The following VPS37A variants were observed in gnomAD, a reference collection of about 807,000 sequenced individuals.
The protein encoded by VPS37A is VPS37A subunit of ESCRT-I.
In VPS37A, 30 loss-of-function variants were observed where a neutral mutation model predicts 49.8. The ratio of observed to expected loss-of-function variants is 0.60; its 90% CI spans 0.45 to 0.82. VPS37A has a LOEUF of 0.82. Among genes scored for constraint, VPS37A ranks in the 40% least tolerant of loss-of-function variants. The pLI is 0.00. For synonymous variants in VPS37A, 195 were observed against 160.6 expected (o/e 1.21, Z -1.62); for missense variants, 593 against 464.4 (o/e 1.28, Z -2.55).
At chr8:17,258,852 T>A (rs897844803) in intron 1 of VPS37A, among the ~76,000 whole-genome samples, 10 of 152,102 alleles carry the variant, frequency 6.6e-5, no homozygotes, top group Non-Finnish European at 1.2e-4. Flanking sequence ...GTTGTATATG[T>A]CCGGCAATTT....
At chr8:17,314,305 A>G in the VPS37A span, among the ~76,000 whole-genome samples, 1 of 152,164 alleles carries the variant, frequency 6.6e-6, no homozygotes, top group Non-Finnish European at 1.5e-5. Context: ...GTTCTCTGTG[A>G]TGCAGTAAAC....
chr8:17,279,747 C>T (rs1490469387), intron 6 of VPS37A: 4 of 488,642 alleles, frequency 8.2e-6, no homozygotes, highest in Non-Finnish European at 1.6e-5. Flanking sequence ...TGAACACTTC[C>T]CCACGGTTGT....
At chr8:17,262,054 C>T (rs1813009253) in intron 1 of VPS37A, among the ~76,000 whole-genome samples, 1 of 152,092 alleles carries the variant, frequency 6.6e-6, no homozygotes, top group African/African-American at 2.4e-5. Flanking sequence ...CTTACTTTTT[C>T]CAGTGTAGAA....
chr8:17,268,822 A>T, intron 3 of VPS37A, 34 bp from the exon 4 acceptor site: 1 of 1,367,516 alleles, frequency 7.3e-7, no homozygotes, highest in South Asian at 1.2e-5. Context: ...TTTTTCTGGA[A>T]GTGATTTTAA....
At chr8:17,302,703 ACCCCCCCCCC>A (rs35520166), downstream of VPS37A, among the ~76,000 whole-genome samples, 1 of 10,352 alleles carries the variant, frequency 9.7e-5, no homozygotes, top group African/African-American at 1.8e-4. Context: ...ATTGGCAATA[ACCCCCCCCCC>A]CCCGCTTTTT....
At chr8:17,261,578 C>T (rs1812967453) in intron 1 of VPS37A, among the ~76,000 whole-genome samples, 1 of 151,886 alleles carries the variant, frequency 6.6e-6, no homozygotes, top group Non-Finnish European at 1.5e-5. Context: ...TTATTCTGGT[C>T]TTCTCTCTCT....
intron 1 of VPS37A, among the ~76,000 whole-genome samples, chr8:17,255,321 A>G (rs548050879): frequency 3.9e-5 from 6 of 152,112 alleles, no homozygotes; most frequent in African/African-American, 9.7e-5. Flanking sequence ...TCTCTACTAA[A>G]AATATAAATA....
the VPS37A span, among the ~76,000 whole-genome samples, chr8:17,319,169 G>A: frequency 6.6e-6 from 1 of 152,226 alleles, no homozygotes; most frequent in Non-Finnish European, 1.5e-5. Context: ...GGCAGACACA[G>A]CTGCACTCAA....
rs972824815 is a variant in VPS37A, at chr8:17,280,097, A to C, written c.783A>C (p.Gln261His). 7 of 1,612,808 alleles carry C rather than the reference A, an allele frequency of 4.3e-6. No individual in the cohort carries two copies. The highest frequency in any genetic ancestry group is 5.9e-6 in the Non-Finnish European group (7 of 1,179,332). The change falls in exon 7 of 12, where the codon CAA becomes CAC. Residue 261 changes from glutamine to histidine, a missense_variant. Physicochemically the swap from Gln to His is conservative, Grantham distance 24. Transcript: ENST00000324849. ...TAGAACAGTTTCTGACTTTGCCTCA[A>C]CTAAAACAAATTATTACCGACAAAG... ...VLLEQFLTLP[Q>H]LKQIITDKDD...
chr8:17,306,034 A>G, downstream of VPS37A: 1 of 1,191,524 alleles, frequency 8.4e-7, no homozygotes, highest in Non-Finnish European at 1.2e-6. Context: ...AAAAACAACC[A>G]TAAAAGCAAC....
At chr8:17,314,996 A>G in the VPS37A span, among the ~76,000 whole-genome samples, 8 of 151,880 alleles carry the variant, frequency 5.3e-5, no homozygotes, top group African/African-American at 1.9e-4. Context: ...AATACACACA[A>G]TGATTCACAG....
intron 4 of VPS37A, among the ~76,000 whole-genome samples, chr8:17,270,003 G>C (rs1034158546): frequency 1.5e-4 from 23 of 152,154 alleles, no homozygotes; most frequent in African/African-American, 5.6e-4. Context: ...AGAAGGTAAA[G>C]CGGGTGCAGG....
downstream of VPS37A, chr8:17,298,396 T>G (rs1240352410): frequency 6.6e-6 from 1 of 152,114 alleles, no homozygotes; most frequent in African/African-American, 2.4e-5. Flanking sequence ...CTCTAATATA[T>G]TCTATATTTT....
In VPS37A at chr8:17,248,354, TC is replaced by T. The variant is rs1335971500; in HGVS notation, c.125+988del. ...ATCTCGGTTCACTGCAACCTCCGTC[TC>T]CCGGATTCAAGCAATCATCCTCCCT... On this transcript the variant is annotated intron_variant, in intron 1 of 11. Coordinates refer to ENST00000324849, the MANE Select transcript of VPS37A (RefSeq NM_152415.3). 3.1e-5 allele frequency: 14 copies of T among 453,474 alleles called. No homozygotes were observed. The East Asian group carries it at 9.9e-4, about 32-fold the overall frequency. The allele number at this position is 453,474 out of a possible 1,614,324, so 28.1% of individuals were successfully genotyped here.
chr8:17,316,654 A>C, the VPS37A span, among the ~76,000 whole-genome samples: 8 of 152,324 alleles, frequency 5.3e-5, no homozygotes, highest in South Asian at 6.2e-4. Context: ...ATTTGAAAAA[A>C]ATAAAAATAA....
the VPS37A span, among the ~76,000 whole-genome samples, chr8:17,328,715 T>C: frequency 6.6e-6 from 1 of 152,238 alleles, no homozygotes; most frequent in Non-Finnish European, 1.5e-5. Context: ...AACTTAAAAA[T>C]TTTAAATAAA....
chr8:17,273,679 T>C (rs1237076540), intron 4 of VPS37A, among the ~76,000 whole-genome samples: 1 of 152,218 alleles, frequency 6.6e-6, no homozygotes, highest in Non-Finnish European at 1.5e-5. Flanking sequence ...TTTTGCTTTA[T>C]CAAAGGACTA....
Position 17,276,394 on chromosome 8 carries a change from T to C in VPS37A, c.643-3T>C, listed in dbSNP as rs1389217778. On this transcript the variant is annotated splice_region_variant and splice_polypyrimidine_tract_variant and intron_variant, in intron 5 of 11. Transcript: ENST00000324849. ...TTTAATATCATTTAAAACTTTTCTT[T>C]AGACAAGCCAAAATGGTTTTGGGTA... 1 of 1,610,262 alleles carries C rather than the reference T, an allele frequency of 6.2e-7. No individual in the cohort carries two copies.
At chr8:17,300,756 T>G (rs754288543), downstream of VPS37A, among the ~76,000 whole-genome samples, 2 of 152,198 alleles carry the variant, frequency 1.3e-5, no homozygotes, top group African/African-American at 4.8e-5. Flanking sequence ...CCATACTCAT[T>G]AGCAGTCATT....
Sources: allele counts gnomAD v4.1 joint callset (sites outside exome capture counted in the v4.1 genomes callset), GRCh38; gene constraint gnomAD v4.1.1; transcripts MANE v1.5; gene names NCBI Gene and HGNC (gene_info 2026-07-23, HGNC 2026-07-21).